The following GREB1L variants were observed in gnomAD, a reference collection of about 807,000 sequenced individuals.
The protein encoded by GREB1L is GREB1-like protein.
GREB1L carries 17 observed loss-of-function variants against 200.8 expected under a neutral mutation model. The observed-to-expected ratio is 0.08, with a 90% CI of 0.06 to 0.13. The LOEUF is 0.13. Ranked by LOEUF, GREB1L falls within the 10% of genes least tolerant of loss-of-function variation. The pLI is 1.00. For synonymous variants in GREB1L, 789 were observed against 893.0 expected (o/e 0.88, Z 2.08); for missense variants, 1,657 against 2,367.7 (o/e 0.70, Z 6.23).
intron 1 of GREB1L, among the ~76,000 whole-genome samples, chr18:21,260,489 C>T (rs2037871688): frequency 6.6e-6 from 1 of 151,956 alleles, no homozygotes; most frequent in South Asian, 2.1e-4. Flanking sequence ...TTAGGATCCA[C>T]TAAAAATCTT....
In GREB1L at chr18:21,440,370, C is replaced by T. The variant is rs569521616; in HGVS notation, c.1051C>T (p.Arg351Cys). The change falls in exon 9 of 33, where the codon CGC (arginine) becomes TGC (cysteine). Residue 351 changes from arginine (R) to cysteine (C), a missense_variant. This residue lies in a region of GREB1L where 289 missense variants were observed against 345.1 expected (regional missense o/e 0.84). Coordinates refer to ENST00000424526, the MANE Select transcript of GREB1L (RefSeq NM_001142966.3). Reference protein sequence around the residue: ...PGLVVPVPTVRPLSRTEPLLS... With the variant: ...PGLVVPVPTVCPLSRTEPLLS... ...CTTAGTTGTACCTGTCCCTACAGTT[C>T]GCCCTCTTTCAAGAACGGGTAAGAT... 30 of 1,551,658 alleles carry T rather than the reference C, an allele frequency of 1.9e-5. No individual in the cohort carries two copies. The highest frequency in any genetic ancestry group is 5.5e-5 in the African/African-American group (4 of 73,140).
chr18:21,481,758 C>T (rs1269626915), intron 17 of GREB1L, among the ~76,000 whole-genome samples: 3 of 152,064 alleles, frequency 2.0e-5, no homozygotes, highest in Non-Finnish European at 4.4e-5. Flanking sequence ...TCTCTTGTAT[C>T]TGACTTCCTT....
At chr18:21,268,552 CACACACACATATATATATAT>C (rs1262402548) in intron 1 of GREB1L, among the ~76,000 whole-genome samples, 29 of 98,942 alleles carry the variant, frequency 2.9e-4, no homozygotes, top group African/African-American at 1.6e-3. Flanking sequence ...CACACACACA[CACACACACATATATATATAT>C]ATATATATAT....
chr18:21,298,281 C>T (rs2038561998), intron 1 of GREB1L, among the ~76,000 whole-genome samples: 1 of 152,142 alleles, frequency 6.6e-6, no homozygotes, highest in Non-Finnish European at 1.5e-5. Flanking sequence ...TTCTCCTTTT[C>T]TCTCTTTCTC....
At chr18:21,256,990 G>C (rs1284397814) in intron 1 of GREB1L, among the ~76,000 whole-genome samples, 2 of 134,986 alleles carry the variant, frequency 1.5e-5, no homozygotes, top group African/African-American at 5.6e-5. Flanking sequence ...GGGTGACAGA[G>C]TGAGACTCCG....
intron 2 of GREB1L, among the ~76,000 whole-genome samples, chr18:21,371,610 A>G (rs2039876070): frequency 6.6e-6 from 1 of 151,740 alleles, no homozygotes; most frequent in Non-Finnish European, 1.5e-5. Flanking sequence ...ACATGGTGAA[A>G]CCCTGTCTCT....
intron 1 of GREB1L, among the ~76,000 whole-genome samples, chr18:21,321,726 A>G (rs2038954764): frequency 6.6e-6 from 1 of 152,146 alleles, no homozygotes; most frequent in Admixed American, 6.6e-5. Context: ...TGCCATTACT[A>G]AGTAGGGCTT....
At chr18:21,414,179 G>A (rs542836032) in intron 7 of GREB1L, among the ~76,000 whole-genome samples, 5 of 152,264 alleles carry the variant, frequency 3.3e-5, no homozygotes, top group Non-Finnish European at 5.9e-5. Context: ...TGAGCAAATC[G>A]TGACATACAC....
At chr18:21,301,309 G>C (rs755667085) in intron 1 of GREB1L, among the ~76,000 whole-genome samples, 24 of 152,142 alleles carry the variant, frequency 1.6e-4, no homozygotes, top group Non-Finnish European at 3.2e-4. Flanking sequence ...TTTCCTTGAG[G>C]TGCTGGTATC....
At chr18:21,515,723 T>C (rs2037392952) in intron 29 of GREB1L, 79 bp downstream of exon 29, 1 of 1,003,914 alleles carries the variant, frequency 1.0e-6, no homozygotes, top group African/African-American at 1.6e-5. Context: ...TGTAATGCTT[T>C]TATTCGTATG....
intron 15 of GREB1L, among the ~76,000 whole-genome samples, chr18:21,464,758 G>A (rs2035201922): frequency 6.6e-6 from 1 of 152,090 alleles, no homozygotes; most frequent in Admixed American, 6.5e-5. Context: ...CACCTATGAG[G>A]TATAATTGCC....
chr18:21,403,881 G>T lies in GREB1L; in HGVS notation c.719G>T (p.Ser240Ile). The T allele has an allele frequency of 1.3e-6, 2 of 1,551,254 alleles. No individual in the cohort carries two copies. The highest frequency in any genetic ancestry group is 1.7e-6 in the Non-Finnish European group (2 of 1,146,580). Residue 240 changes from serine to isoleucine, a missense_variant, in exon 7 of 33, where the codon AGC (serine) becomes ATC (isoleucine). This residue lies in a region of GREB1L where 289 missense variants were observed against 345.1 expected (regional missense o/e 0.84). Transcript: ENST00000424526. Reference protein sequence around the residue: ...GPLICWKECRSRQSSASCHSI... With the variant: ...GPLICWKECRIRQSSASCHSI... ...TTTTACTCTTTTCCAGAATGTAGAA[G>T]CCGACAATCCTCTGCTTCTTGCCAC...
chr18:21,399,655 A>G (rs2041236745), intron 5 of GREB1L, among the ~76,000 whole-genome samples: 1 of 152,214 alleles, frequency 6.6e-6, no homozygotes, highest in Non-Finnish European at 1.5e-5. Context: ...ATTTTAAGTC[A>G]TTTATAAAAT....
chr18:21,254,168 C>CA (rs1373290273), intron 1 of GREB1L, among the ~76,000 whole-genome samples: 2 of 145,124 alleles, frequency 1.4e-5, no homozygotes, highest in Non-Finnish European at 3.0e-5. Context: ...CTCCCGGGTT[C>CA]AAGCGATTCT....
At chr18:21,357,288 G>A (rs565012349) in intron 1 of GREB1L, among the ~76,000 whole-genome samples, 5 of 152,266 alleles carry the variant, frequency 3.3e-5, no homozygotes, top group Admixed American at 6.5e-5. Context: ...TCCTGACCTC[G>A]TGATCCGCCC....
At chr18:21,260,291 A>G (rs200471423) in intron 1 of GREB1L, among the ~76,000 whole-genome samples, 2 of 152,094 alleles carry the variant, frequency 1.3e-5, no homozygotes, top group East Asian at 3.9e-4. Context: ...AATATTTACC[A>G]TAAGTATGTT....
chr18:21,517,471 G>A (rs1464986670), intron 30 of GREB1L, among the ~76,000 whole-genome samples: 1 of 152,084 alleles, frequency 6.6e-6, no homozygotes, highest in Non-Finnish European at 1.5e-5. Context: ...CGATTCTCCT[G>A]CCTCAGCCAC....
chr18:21,418,250 A>G (rs2144818403), intron 7 of GREB1L, among the ~76,000 whole-genome samples: 1 of 152,248 alleles, frequency 6.6e-6, no homozygotes, highest in Middle Eastern at 3.4e-3. Flanking sequence ...GTGAGGATAT[A>G]CAGTCATTTC....
Position 21,496,712 on chromosome 18 carries a change from T to A in GREB1L, c.3391+14T>A, listed in dbSNP as rs1192969110. The A allele has an allele frequency of 2.2e-5, 34 of 1,549,784 alleles. No individual in the cohort carries two copies. Among genetic ancestry groups the A allele is most frequent in the Non-Finnish European group, 2.7e-5 (31 of 1,146,638 alleles). On this transcript the variant is annotated intron_variant, in intron 21 of 32. Transcript: ENST00000424526. Reference sequence around the variant, plus strand: ...CAGGGACCTCGGGTCAGTACTTTCTTTTCTCTTTCATGGAGTGAGAGACAT... The same window carrying A: ...CAGGGACCTCGGGTCAGTACTTTCTATTCTCTTTCATGGAGTGAGAGACAT...
Sources: allele counts gnomAD v4.1 joint callset (sites outside exome capture counted in the v4.1 genomes callset), GRCh38; gene constraint gnomAD v4.1.1; regional missense constraint gnomAD v4.1.1; transcripts MANE v1.5; gene names NCBI Gene and HGNC (gene_info 2026-07-23, HGNC 2026-07-21).